The following UBE3D variants were observed in gnomAD, a reference collection of about 807,000 sequenced individuals.
UBE3D encodes the protein E3 ubiquitin-protein ligase E3D.
A neutral mutation model predicts 49.6 loss-of-function variants in UBE3D; 48 were observed. The ratio of observed to expected loss-of-function variants is 0.97; its 90% confidence interval spans 0.77 to 1.23. The LOEUF (loss-of-function observed/expected upper bound fraction) is 1.23, where lower values mean the gene tolerates loss of function less well. Among genes scored for constraint, UBE3D ranks in the 50% most tolerant of loss-of-function variants. The pLI, the probability that UBE3D is intolerant of heterozygous loss-of-function variation, is 0.00. For synonymous variants in UBE3D, 189 were observed against 174.2 expected (o/e 1.08, Z -0.67); for missense variants, 452 against 468.4 (o/e 0.96, Z 0.32).
chr6:83,026,657 A>G (rs1238291015), intron 5 of UBE3D, among the ~76,000 whole-genome samples: 1 of 152,092 alleles, frequency 6.6e-6, no homozygotes, highest in South Asian at 2.1e-4. Context: ...CGCAGGACTA[A>G]ACTAAACCTT....
intron 9 of UBE3D, among the ~76,000 whole-genome samples, chr6:82,930,934 T>C (rs773238136): frequency 9.2e-5 from 14 of 152,210 alleles, no homozygotes; most frequent in Non-Finnish European, 1.5e-4. Flanking sequence ...CTCTAGGGCA[T>C]GTCAGAGACT....
At chr6:83,054,332 A>AGCTG in intron 2 of UBE3D, 94 bp from the exon 3 acceptor site, 1 of 929,074 alleles carries the variant, frequency 1.1e-6, no homozygotes, top group South Asian at 1.4e-5. Flanking sequence ...ATTACCATCC[A>AGCTG]TAAACAGTTT....
chr6:82,950,093 G>A (rs1172845024), intron 9 of UBE3D, among the ~76,000 whole-genome samples: 5 of 151,996 alleles, frequency 3.3e-5, no homozygotes, highest in Non-Finnish European at 5.9e-5. Flanking sequence ...AGAATGGAAC[G>A]ATACATTTGC....
intron 9 of UBE3D, among the ~76,000 whole-genome samples, chr6:82,909,604 C>T (rs1030211254): frequency 3.3e-5 from 5 of 152,150 alleles, no homozygotes; most frequent in African/African-American, 1.2e-4. Flanking sequence ...GCTTTCTTTC[C>T]CTTTGTGCAA....
At chr6:82,971,067 A>T (rs2127705564) in intron 8 of UBE3D, among the ~76,000 whole-genome samples, 1 of 152,264 alleles carries the variant, frequency 6.6e-6, no homozygotes, top group East Asian at 1.9e-4. Context: ...TTCAAGATTT[A>T]TGGACCCCTG....
intron 9 of UBE3D, among the ~76,000 whole-genome samples, chr6:82,953,366 C>T (rs1582451464): frequency 1.3e-5 from 2 of 152,198 alleles, no homozygotes; most frequent in South Asian, 2.1e-4. Flanking sequence ...AACTCTTCTT[C>T]GAGTTTTTCT....
chr6:83,054,032 G>T, intron 3 of UBE3D, 116 bp downstream of exon 3: 1 of 799,952 alleles, frequency 1.3e-6, no homozygotes, highest in Non-Finnish European at 2.1e-6. Context: ...ACATTAAGCT[G>T]GCTCTCACTT....
intron 8 of UBE3D, among the ~76,000 whole-genome samples, chr6:83,001,358 T>C (rs1779622449): frequency 6.6e-6 from 1 of 152,232 alleles, no homozygotes; most frequent in East Asian, 1.9e-4. Context: ...ACACATTTAA[T>C]AAGTATTTGC....
intron 9 of UBE3D, among the ~76,000 whole-genome samples, chr6:82,937,843 A>G (rs958312114): frequency 6.6e-6 from 1 of 152,132 alleles, no homozygotes; most frequent in Non-Finnish European, 1.5e-5. Context: ...TAGCCTCCAC[A>G]TGAAAGAGTT....
intron 9 of UBE3D, among the ~76,000 whole-genome samples, chr6:82,940,981 G>A (rs549924232): frequency 6.6e-6 from 1 of 152,282 alleles, no homozygotes; most frequent in East Asian, 1.9e-4. Context: ...GGGAGGCCGA[G>A]GCAGGTGGAT....
intron 4 of UBE3D, among the ~76,000 whole-genome samples, chr6:83,044,161 C>T (rs1044308007): frequency 3.3e-5 from 5 of 152,198 alleles, no homozygotes; most frequent in Non-Finnish European, 7.3e-5. Flanking sequence ...GAAAGCAAGA[C>T]ATTTTGTTTG....
At chr6:83,011,104 C>A (rs1582631436) in intron 8 of UBE3D, among the ~76,000 whole-genome samples, 2 of 152,110 alleles carry the variant, frequency 1.3e-5, no homozygotes, top group Admixed American at 6.6e-5. Context: ...CGGAAATGCA[C>A]CAATCCCCAA....
intron 5 of UBE3D, chr6:83,037,021 G>T (rs565115516): frequency 2.0e-4 from 30 of 152,276 alleles, no homozygotes; most frequent in African/African-American, 6.5e-4. Context: ...AAAGGGTGTG[G>T]GGGAGGTCTT....
At chr6:82,914,372 A>G (rs1186493790) in intron 9 of UBE3D, among the ~76,000 whole-genome samples, 1 of 152,124 alleles carries the variant, frequency 6.6e-6, no homozygotes, top group East Asian at 1.9e-4. Flanking sequence ...TCAGATTCTT[A>G]AAGGTGTCAG....
At chr6:83,039,283 C>A (rs936114090) in intron 4 of UBE3D, among the ~76,000 whole-genome samples, 1 of 152,192 alleles carries the variant, frequency 6.6e-6, no homozygotes, top group Non-Finnish European at 1.5e-5. Flanking sequence ...GGTACCTTTC[C>A]TGGGAAACCA....
intron 8 of UBE3D, among the ~76,000 whole-genome samples, chr6:82,994,036 G>C (rs950422): frequency 0.68 from 103,469 of 152,040 alleles, 35,916 homozygotes; most frequent in East Asian, 0.82. Context: ...GAAAAATGAT[G>C]GAAATAACAC....
intron 9 of UBE3D, among the ~76,000 whole-genome samples, chr6:82,911,548 G>A (rs570070840): frequency 6.6e-6 from 1 of 152,272 alleles, no homozygotes; most frequent in South Asian, 2.1e-4. Context: ...GAGGCTAAAG[G>A]TTAGCTGAAA....
chr6:83,021,632 C>T (rs910007003), intron 7 of UBE3D, among the ~76,000 whole-genome samples: 2 of 151,388 alleles, frequency 1.3e-5, no homozygotes, highest in African/African-American at 2.4e-5. Context: ...TTTGGGAGGC[C>T]GAGGTGGGTG....
chr6:82,935,128 C>T (rs770815486), intron 9 of UBE3D, among the ~76,000 whole-genome samples: 15 of 150,778 alleles, frequency 9.9e-5, no homozygotes, highest in Non-Finnish European at 1.3e-4. Context: ...AAGCATGGTG[C>T]TGGCATCTGC....
Sources: allele counts gnomAD v4.1 joint callset (sites outside exome capture counted in the v4.1 genomes callset), GRCh38; gene constraint gnomAD v4.1.1; transcripts MANE v1.5; gene names NCBI Gene and HGNC (gene_info 2026-07-23, HGNC 2026-07-21).